The following METTL16 variants were observed in gnomAD, a reference collection of about 807,000 sequenced individuals.
METTL16 encodes the protein methyltransferase 16, RNA N6-adenosine.
METTL16 carries 19 observed loss-of-function variants against 57.9 expected under a neutral mutation model. That is an observed-to-expected ratio of 0.33 (90% CI 0.23 to 0.48). The LOEUF (loss-of-function observed/expected upper bound fraction) is 0.48, where lower values mean the gene tolerates loss of function less well. Ranked by LOEUF, METTL16 falls within the 20% of genes least tolerant of loss-of-function variation. The pLI is 0.99. For synonymous variants in METTL16, 246 were observed against 255.6 expected, an observed-to-expected ratio of 0.96 and a Z score of 0.36; for missense variants, 434 against 691.5, an observed-to-expected ratio of 0.63 and a Z score of 4.18.
intron 3 of METTL16, among the ~76,000 whole-genome samples, chr17:2,474,206 C>A (rs1201376520): frequency 6.6e-6 from 1 of 152,026 alleles, no homozygotes; most frequent in African/African-American, 2.4e-5. Context: ...ATACAAAACT[C>A]AATTTTCTTA....
At chr17:2,470,659 A>T (rs2151566643) in intron 4 of METTL16, among the ~76,000 whole-genome samples, 1 of 152,278 alleles carries the variant, frequency 6.6e-6, no homozygotes, top group Non-Finnish European at 1.5e-5. Flanking sequence ...AAAAACACAA[A>T]AATTAGCCAG....
At chr17:2,439,815 A>G (rs761933243) in intron 7 of METTL16, among the ~76,000 whole-genome samples, 1 of 152,160 alleles carries the variant, frequency 6.6e-6, no homozygotes, top group African/African-American at 2.4e-5. Context: ...CCCTAAAAAT[A>G]TAAAACTTAG....
At chr17:2,510,595 C>T (rs1191538046) in intron 1 of METTL16, among the ~76,000 whole-genome samples, 9 of 152,184 alleles carry the variant, frequency 5.9e-5, no homozygotes, top group Non-Finnish European at 1.5e-5. Flanking sequence ...TCTAACTAAC[C>T]TCCCAATATA....
chr17:2,464,385 G>T (rs369719312), intron 5 of METTL16, 35 bp from the exon 6 acceptor site: 33 of 1,562,690 alleles, frequency 2.1e-5, no homozygotes, highest in Non-Finnish European at 2.7e-5. Flanking sequence ...TGAAAAATGT[G>T]TACACCCCAA....
At chr17:2,495,402 A>G (rs910524809) in intron 2 of METTL16, among the ~76,000 whole-genome samples, 15 of 152,182 alleles carry the variant, frequency 9.9e-5, no homozygotes, top group African/African-American at 3.1e-4. Flanking sequence ...TCGAATATGA[A>G]AAAGATGATT....
intron 2 of METTL16, among the ~76,000 whole-genome samples, chr17:2,479,961 T>C (rs936509745): frequency 3.3e-5 from 5 of 151,696 alleles, no homozygotes; most frequent in African/African-American, 1.2e-4. Context: ...CTGAGGTGGG[T>C]GGATCACCTG....
In METTL16 at chr17:2,417,406, C is replaced by T. The variant is rs2066728284; in HGVS notation, c.*2564G>A. On this transcript the variant is annotated 3_prime_UTR_variant, in exon 10 of 10. Transcript: ENST00000263092. ...AACTCTAAGGTCATTAGCTTGACAT[C>T]TATAAAATCTCCTCCATGACATGAA... The T allele has an allele frequency of 6.6e-6, 1 of 152,048 alleles. No individual in the cohort carries two copies. The highest frequency in any genetic ancestry group is 1.5e-5 in the Non-Finnish European group (1 of 68,028). The allele number at this position is 152,048 out of a possible 1,614,324, so 9.4% of individuals were successfully genotyped here. A position where few individuals can be genotyped will look rare whatever the true frequency, so the allele number is the denominator to read the frequency against.
intron 6 of METTL16, among the ~76,000 whole-genome samples, chr17:2,463,901 C>A (rs942199632): frequency 6.6e-6 from 1 of 151,918 alleles, no homozygotes; most frequent in Non-Finnish European, 1.5e-5. Context: ...TCGAGGCAGG[C>A]AGATCACCTG....
At chr17:2,507,048 G>A (rs1210840431) in intron 1 of METTL16, among the ~76,000 whole-genome samples, 11 of 150,190 alleles carry the variant, frequency 7.3e-5, no homozygotes, top group South Asian at 2.1e-4. Context: ...GTCTCCACCC[G>A]GCAGCCACCC....
intron 2 of METTL16, among the ~76,000 whole-genome samples, chr17:2,478,329 T>C (rs2067281319): frequency 6.6e-6 from 1 of 152,216 alleles, no homozygotes. Context: ...CTGTTTTTAC[T>C]CTTACCATTA....
At chr17:2,443,603 C>T (rs1216810448) in intron 6 of METTL16, among the ~76,000 whole-genome samples, 5 of 151,806 alleles carry the variant, frequency 3.3e-5, no homozygotes, top group Admixed American at 6.6e-5. Context: ...TATCCTGCCT[C>T]AGCCTCCCGA....
chr17:2,468,249 G>A (rs1298450043), intron 4 of METTL16, among the ~76,000 whole-genome samples: 1 of 152,226 alleles, frequency 6.6e-6, no homozygotes, highest in Non-Finnish European at 1.5e-5. Context: ...AGTAAGGTGT[G>A]ACTGTATGTC....
At chr17:2,467,939 C>T (rs189866433) in intron 4 of METTL16, 63 bp from the exon 5 acceptor site, 107 of 1,102,828 alleles carry the variant, frequency 9.7e-5, no homozygotes, top group Non-Finnish European at 1.2e-4. Context: ...AGTATAACCG[C>T]GCACTGCGTA....
Position 2,506,743 on chromosome 17 carries a change from G to A in METTL16, c.1-4412C>T, listed in dbSNP as rs544924516. On this transcript the variant is annotated intron_variant, in intron 1 of 9. Transcript: ENST00000263092. Reference sequence around the variant, plus strand: ...AAGTGAGGAGCGTCTCTGCCTGGCCGCCCATCATCTGGGATGTGAGGAGCC... The same window carrying A: ...AAGTGAGGAGCGTCTCTGCCTGGCCACCCATCATCTGGGATGTGAGGAGCC... 3.4e-3 allele frequency among the ~76,000 whole-genome samples: 518 copies of A among 152,150 alleles called. 4 individuals are homozygous for A. The highest frequency in any genetic ancestry group is 0.024 in the Admixed American group (363 of 15,286).
Position 2,420,239 on chromosome 17 carries a change from C to T in METTL16, c.1420G>A (p.Val474Met), listed in dbSNP as rs769086028. ...CCTTGACAACTTTCCAAAACCTCCA[C>T]CCCTCCCTTTTCCTCACTCCTTTCA... ...EDERSEEKGG[V>M]EVLESCQGSS... Residue 474 changes from valine to methionine, a missense_variant, in exon 10 of 10, where the codon GTG becomes ATG. Physicochemically the swap from Val to Met is conservative, Grantham distance 21 (BLOSUM62 1). Coordinates refer to ENST00000263092, the MANE Select transcript of METTL16 (RefSeq NM_024086.4). The surrounding 1 kb of genome is among the most constrained non-coding windows in gnomAD (Gnocchi z 5.4). 3 of 1,614,214 alleles carry T rather than the reference C, an allele frequency of 1.9e-6. No homozygotes were observed. The highest frequency in any genetic ancestry group is 2.5e-6 in the Non-Finnish European group (3 of 1,180,040).
chr17:2,445,307 T>C (rs1449246941), intron 6 of METTL16, among the ~76,000 whole-genome samples: 3 of 152,168 alleles, frequency 2.0e-5, no homozygotes, highest in Non-Finnish European at 4.4e-5. Context: ...TATTACATTA[T>C]AGGCCTAGGT....
At chr17:2,490,239 CTTTT>C (rs762278263) in intron 2 of METTL16, among the ~76,000 whole-genome samples, 3 of 151,188 alleles carry the variant, frequency 2.0e-5, no homozygotes, top group Non-Finnish European at 4.4e-5. Flanking sequence ...CATAATTCCA[CTTTT>C]TTTTTAACTA....
At position 2,494,669 on chromosome 17, in the gene METTL16, GC is replaced by G. The variant is rs1182982408; in HGVS notation, c.128+7534del. ...TACAATGAGCTATAATCCTACCACT[GC>G]ACTCCAGCCTGGGCAACAGGAACCC... On this transcript the variant is annotated intron_variant, in intron 2 of 9. Transcript: ENST00000263092. Among the ~76,000 whole-genome samples, 11 of 151,966 alleles carry G rather than the reference GC, an allele frequency of 7.2e-5. No homozygotes were observed. The East Asian group carries it at 2.1e-3, about 29-fold the overall frequency.
At chr17:2,463,654 G>T (rs1278489787) in intron 6 of METTL16, among the ~76,000 whole-genome samples, 1 of 151,660 alleles carries the variant, frequency 6.6e-6, no homozygotes, top group Non-Finnish European at 1.5e-5. Flanking sequence ...TAGAGACAGG[G>T]TTTCACTATA....
Sources: gnomAD v4.1 joint callset for allele counts (sites outside exome capture counted in the v4.1 genomes callset) on GRCh38, gnomAD v4.1.1 for gene constraint, Gnocchi (gnomAD v3.1) non-coding constraint, MANE v1.5 for transcripts, NCBI Gene and HGNC (gene_info 2026-07-23, HGNC 2026-07-21) for gene names.